The following SLC25A13 variants were observed in gnomAD, a reference collection of about 807,000 sequenced individuals.
The protein encoded by SLC25A13 is solute carrier family 25 member 13.
In SLC25A13, 70 loss-of-function variants were observed where a neutral mutation model predicts 85.5. That is an observed-to-expected ratio of 0.82 (90% CI 0.68 to 1.00). SLC25A13 has a LOEUF of 1.00. SLC25A13 is among the 50% of genes least tolerant of loss of function. The pLI, the probability that SLC25A13 is intolerant of heterozygous loss-of-function variation, is 0.00. For missense variants in SLC25A13, 765 were observed against 819.8 expected, an observed-to-expected ratio of 0.93 and a Z score of 0.82; for synonymous variants, 259 against 288.7, an observed-to-expected ratio of 0.90 and a Z score of 1.04.
chr7:96,321,555 C>T (rs1019075360), intron 1 of SLC25A13, among the ~76,000 whole-genome samples: 3 of 152,314 alleles, frequency 2.0e-5, no homozygotes, highest in Admixed American at 2.0e-4. Flanking sequence ...CAACAACCAG[C>T]GGGGTCAGGA....
intron 14 of SLC25A13, among the ~76,000 whole-genome samples, chr7:96,135,367 CAG>C (rs1365399823): frequency 6.6e-6 from 1 of 152,146 alleles, no homozygotes; most frequent in African/African-American, 2.4e-5. Context: ...CAAGGAAAGA[CAG>C]AGACTTATTA....
At chr7:96,264,916 T>C (rs1033900112) in intron 3 of SLC25A13, among the ~76,000 whole-genome samples, 4 of 152,224 alleles carry the variant, frequency 2.6e-5, no homozygotes, top group Non-Finnish European at 5.9e-5. Flanking sequence ...ACAAATCTCT[T>C]AAATGTCTGA....
intron 4 of SLC25A13, among the ~76,000 whole-genome samples, chr7:96,232,451 G>T (rs969934289): frequency 6.6e-6 from 1 of 152,064 alleles, no homozygotes; most frequent in African/African-American, 2.4e-5. Flanking sequence ...GAGGGTAGAA[G>T]GTGGGAGGAG....
At chr7:96,216,950 C>A (rs1322754061) in intron 4 of SLC25A13, among the ~76,000 whole-genome samples, 1 of 151,752 alleles carries the variant, frequency 6.6e-6, no homozygotes, top group Non-Finnish European at 1.5e-5. Context: ...GATAAAATAG[C>A]CTATAGACTA....
At position 96,172,286 on chromosome 7, in the gene SLC25A13, G is replaced by A. The variant is rs549028146; in HGVS notation, c.1178-762C>T. ...AAGAAAGATCAATGAGGCCAGGCAC[G>A]GTGGCTTATGCCTGTAATCCCAACA... On this transcript the variant is annotated intron_variant, in intron 11 of 17. Coordinates refer to ENST00000265631, the MANE Select transcript of SLC25A13 (RefSeq NM_014251.3). Among the ~76,000 whole-genome samples, 7 of 152,214 alleles carry A rather than the reference G, an allele frequency of 4.6e-5. No homozygotes were observed. In the East Asian group the frequency reaches 5.8e-4, roughly 13 times the overall value.
At chr7:96,273,815 T>C (rs886622938) in intron 3 of SLC25A13, among the ~76,000 whole-genome samples, 2 of 152,344 alleles carry the variant, frequency 1.3e-5, no homozygotes, top group Middle Eastern at 3.4e-3. Context: ...CCATGTTGCA[T>C]GTGAACTTGG....
intron 15 of SLC25A13, among the ~76,000 whole-genome samples, chr7:96,124,910 A>C (rs963497683): frequency 2.6e-5 from 4 of 152,192 alleles, no homozygotes; most frequent in African/African-American, 9.6e-5. Flanking sequence ...TAGCATTTGC[A>C]TCCTCCAGCA....
chr7:96,215,639 A>C (rs1249871205), intron 4 of SLC25A13, among the ~76,000 whole-genome samples: 4 of 152,148 alleles, frequency 2.6e-5, no homozygotes, highest in African/African-American at 9.7e-5. Flanking sequence ...ATTAACTCAT[A>C]ATGGATCAAA....
intron 1 of SLC25A13, among the ~76,000 whole-genome samples, chr7:96,318,138 C>T (rs1800198589): frequency 6.6e-6 from 1 of 152,130 alleles, no homozygotes. Flanking sequence ...CTTTAATGTG[C>T]CCCCAAATTT....
chr7:96,180,091 C>T (rs537309143), intron 11 of SLC25A13, among the ~76,000 whole-genome samples: 2 of 152,312 alleles, frequency 1.3e-5, no homozygotes, highest in South Asian at 2.1e-4. Context: ...TGGAAGATGA[C>T]TGCTTTGCAC....
chr7:96,294,404 A>G (rs1799258408), intron 2 of SLC25A13, among the ~76,000 whole-genome samples: 1 of 152,160 alleles, frequency 6.6e-6, no homozygotes, highest in Admixed American at 6.5e-5. Context: ...CGTTGTGCCC[A>G]TGTACCCTAG....
intron 3 of SLC25A13, among the ~76,000 whole-genome samples, chr7:96,266,578 A>C (rs1041958531): frequency 2.0e-5 from 3 of 152,192 alleles, no homozygotes; most frequent in Non-Finnish European, 4.4e-5. Flanking sequence ...ATCAGCACCC[A>C]ATCAGCAATC....
chr7:96,310,155 A>C (rs1799899585), intron 1 of SLC25A13, among the ~76,000 whole-genome samples: 1 of 152,220 alleles, frequency 6.6e-6, no homozygotes, highest in African/African-American at 2.4e-5. Context: ...CAGCCCTAGC[A>C]AACTAATACA....
chr7:96,133,218 T>G (rs1198107561), intron 14 of SLC25A13, among the ~76,000 whole-genome samples: 1 of 152,212 alleles, frequency 6.6e-6, no homozygotes, highest in Non-Finnish European at 1.5e-5. Context: ...GTTCACTCTG[T>G]GTATACAGGT....
chr7:96,184,731 C>T (rs972769965), intron 10 of SLC25A13, among the ~76,000 whole-genome samples, 196 bp downstream of exon 10: 1 of 152,200 alleles, frequency 6.6e-6, no homozygotes, highest in Non-Finnish European at 1.5e-5. Flanking sequence ...GAAAATGCCA[C>T]TTGTAAGTCC....
intron 3 of SLC25A13, among the ~76,000 whole-genome samples, chr7:96,237,764 G>A (rs1796798759): frequency 6.6e-6 from 1 of 152,158 alleles, no homozygotes; most frequent in South Asian, 2.1e-4. Context: ...GGAGGCCAAG[G>A]CCAAGGAAAC....
intron 13 of SLC25A13, among the ~76,000 whole-genome samples, chr7:96,156,756 A>G (rs142850546): frequency 0.029 from 4,446 of 152,200 alleles, 162 homozygotes; most frequent in African/African-American, 0.083. Flanking sequence ...CATGTTGGCC[A>G]GGCTGGTTTC....
chr7:96,309,959 G>A (rs188262711), intron 1 of SLC25A13, among the ~76,000 whole-genome samples: 5 of 152,234 alleles, frequency 3.3e-5, no homozygotes, highest in African/African-American at 4.8e-5. Context: ...GTCCTTATAC[G>A]AAGAGGAAAT....
chr7:96,151,786 T>C (rs1220349862), intron 13 of SLC25A13, among the ~76,000 whole-genome samples: 1 of 148,290 alleles, frequency 6.7e-6, no homozygotes, highest in Non-Finnish European at 1.5e-5. Flanking sequence ...CTACTAAAAA[T>C]ACAAAAAAAT....
Sources: gnomAD v4.1 joint callset for allele counts (sites outside exome capture counted in the v4.1 genomes callset) on GRCh38, gnomAD v4.1.1 for gene constraint, MANE v1.5 for transcripts, NCBI Gene and HGNC (gene_info 2026-07-23, HGNC 2026-07-21) for gene names.